Variants in PLCB1 observed in about 807,000 individuals in gnomAD.
PLCB1 encodes the protein 1-phosphatidylinositol 4,5-bisphosphate phosphodiesterase beta-1.
In PLCB1, 46 loss-of-function variants were observed where a neutral mutation model predicts 161.8. The observed-to-expected ratio is 0.28, with a 90% CI of 0.22 to 0.36. PLCB1 has a LOEUF of 0.36. PLCB1 is among the 10% of genes least tolerant of loss of function. The probability of loss-of-function intolerance (pLI) is 1.00; values close to 1 mark genes in which losing one functional copy is unlikely to be tolerated. For synonymous variants in PLCB1, 517 were observed against 503.7 expected, an observed-to-expected ratio of 1.03 and a Z score of -0.35; for missense variants, 1,016 against 1,472.5, an observed-to-expected ratio of 0.69 and a Z score of 5.07.
intron 3 of PLCB1, among the ~76,000 whole-genome samples, chr20:8,600,385 G>A (rs543087126): frequency 2.4e-5 from 3 of 124,214 alleles, no homozygotes; most frequent in Non-Finnish European, 5.2e-5. Context: ...TGCCCCTGCT[G>A]GGGGGTGCCT....
intron 3 of PLCB1, among the ~76,000 whole-genome samples, chr20:8,620,884 A>T (rs1300295158): frequency 1.3e-5 from 2 of 152,060 alleles, no homozygotes; most frequent in Non-Finnish European, 2.9e-5. Context: ...GTCATTATTA[A>T]TAAATTGTCA....
At chr20:8,824,555 C>T (rs6039292) in intron 31 of PLCB1, among the ~76,000 whole-genome samples, 1 of 151,872 alleles carries the variant, frequency 6.6e-6, no homozygotes, top group Admixed American at 6.6e-5. Flanking sequence ...TGCAAGTAGC[C>T]TTAAGGGCAA....
intron 2 of PLCB1, among the ~76,000 whole-genome samples, chr20:8,350,654 G>C (rs1329535948): frequency 6.6e-6 from 1 of 152,148 alleles, no homozygotes; most frequent in Non-Finnish European, 1.5e-5. Flanking sequence ...CTAGATCTTT[G>C]AGGAATCACC....
intron 2 of PLCB1, among the ~76,000 whole-genome samples, chr20:8,324,196 AGG>A (rs1168805683): frequency 8.3e-6 from 1 of 120,538 alleles, no homozygotes; most frequent in South Asian, 3.0e-4. Flanking sequence ...CTAAACTGGT[AGG>A]GGTGTGTGTG....
intron 3 of PLCB1, among the ~76,000 whole-genome samples, chr20:8,419,465 A>G (rs1199128277): frequency 6.6e-6 from 1 of 152,180 alleles, no homozygotes; most frequent in African/African-American, 2.4e-5. Flanking sequence ...AACACATTCA[A>G]TAAAAACTGT....
chr20:8,226,203 C>G (rs1979673802), intron 2 of PLCB1, among the ~76,000 whole-genome samples: 1 of 152,162 alleles, frequency 6.6e-6, no homozygotes, highest in Admixed American at 6.5e-5. Context: ...ATAAGCTTAC[C>G]TTTCACTGTG....
chr20:8,754,785 G>T (rs539346450), intron 23 of PLCB1, among the ~76,000 whole-genome samples: 295 of 152,290 alleles, frequency 1.9e-3, no homozygotes, highest in African/African-American at 6.2e-3. Context: ...GAAACCCATT[G>T]TTTCAGTATA....
intron 3 of PLCB1, among the ~76,000 whole-genome samples, chr20:8,373,762 C>T (rs760030260): frequency 1.1e-4 from 16 of 152,128 alleles, no homozygotes; most frequent in Non-Finnish European, 2.1e-4. Context: ...TCATTTCACT[C>T]ACTTAATTTG....
At chr20:8,547,574 G>C (rs1985601603) in intron 3 of PLCB1, among the ~76,000 whole-genome samples, 1 of 152,014 alleles carries the variant, frequency 6.6e-6, no homozygotes, top group Admixed American at 6.6e-5. Context: ...TTCTGAAATA[G>C]TACTTCTGGA....
At chr20:8,464,531 C>T (rs1202238442) in intron 3 of PLCB1, among the ~76,000 whole-genome samples, 1 of 152,152 alleles carries the variant, frequency 6.6e-6, no homozygotes, top group African/African-American at 2.4e-5. Context: ...TGTGTCTAAT[C>T]TGCTGATAAA....
At chr20:8,280,995 A>G (rs1982849976) in intron 2 of PLCB1, among the ~76,000 whole-genome samples, 1 of 152,232 alleles carries the variant, frequency 6.6e-6, no homozygotes, top group Non-Finnish European at 1.5e-5. Flanking sequence ...CTCACTGGTT[A>G]TCTTTGGCCT....
intron 24 of PLCB1, among the ~76,000 whole-genome samples, chr20:8,759,621 C>G (rs905491974): frequency 1.4e-4 from 21 of 152,186 alleles, no homozygotes; most frequent in Admixed American, 7.2e-4. Context: ...CTGCCTCAGC[C>G]TCCCAAGTAG....
intron 2 of PLCB1, among the ~76,000 whole-genome samples, chr20:8,173,333 C>T (rs2051751344): frequency 6.6e-6 from 1 of 152,128 alleles, no homozygotes; most frequent in South Asian, 2.1e-4. Context: ...CACCAAGAGA[C>T]ACTGTAGGGT....
chr20:8,667,127 T>A (rs891067394), intron 9 of PLCB1, among the ~76,000 whole-genome samples: 5 of 152,066 alleles, frequency 3.3e-5, no homozygotes, highest in Non-Finnish European at 7.4e-5. Flanking sequence ...ACAAATAAGA[T>A]CAATTTTCTC....
chr20:8,144,596 A>T (rs555269609), intron 1 of PLCB1, among the ~76,000 whole-genome samples: 3 of 152,320 alleles, frequency 2.0e-5, no homozygotes, highest in East Asian at 1.9e-4. Context: ...TACTCCAATG[A>T]TCTTAATTCC....
At chr20:8,177,657 C>T (rs968637134) in intron 2 of PLCB1, among the ~76,000 whole-genome samples, 27 of 151,912 alleles carry the variant, frequency 1.8e-4, no homozygotes, top group African/African-American at 6.3e-4. Flanking sequence ...TTTTACTTTA[C>T]TCATGTTTGT....
At chr20:8,525,034 A>G (rs2122895346) in intron 3 of PLCB1, among the ~76,000 whole-genome samples, 1 of 152,254 alleles carries the variant, frequency 6.6e-6, no homozygotes, top group South Asian at 2.1e-4. Flanking sequence ...GAAAGATATA[A>G]ATTTTATATA....
At chr20:8,342,620 T>C (rs1042706525) in intron 2 of PLCB1, among the ~76,000 whole-genome samples, 2 of 152,194 alleles carry the variant, frequency 1.3e-5, no homozygotes, top group Non-Finnish European at 2.9e-5. Flanking sequence ...GATCTGTTAC[T>C]GGCAAGCCTG....
chr20:8,425,293 C>T (rs550244347), intron 3 of PLCB1, among the ~76,000 whole-genome samples: 1 of 152,302 alleles, frequency 6.6e-6, no homozygotes, highest in South Asian at 2.1e-4. Context: ...AACTTCCCAT[C>T]TGCCGCATAG....
Sources: gnomAD v4.1 joint callset for allele counts (sites outside exome capture counted in the v4.1 genomes callset) on GRCh38, gnomAD v4.1.1 for gene constraint, MANE v1.5 for transcripts, NCBI Gene and HGNC (gene_info 2026-07-23, HGNC 2026-07-21) for gene names.